The following PIKFYVE variants were observed in gnomAD, a reference collection of about 807,000 sequenced individuals.
The protein encoded by PIKFYVE is 1-phosphatidylinositol 3-phosphate 5-kinase.
In PIKFYVE, 122 loss-of-function variants were observed where a neutral mutation model predicts 257.9. The observed-to-expected ratio is 0.47, with a 90% confidence interval of 0.41 to 0.55. The LOEUF is 0.55. Ranked by LOEUF, PIKFYVE falls within the 20% of genes least tolerant of loss-of-function variation. PIKFYVE has a pLI of 0.00. For synonymous variants in PIKFYVE, 892 were observed against 868.9 expected (o/e 1.03, Z -0.47); for missense variants, 2,160 against 2,536.6 (o/e 0.85, Z 3.19).
chr2:208,333,736 C>G (rs1363234907), intron 24 of PIKFYVE, among the ~76,000 whole-genome samples: 1 of 152,192 alleles, frequency 6.6e-6, no homozygotes, highest in Non-Finnish European at 1.5e-5. Flanking sequence ...ACAGAGCTCT[C>G]AAGTGGTGGA....
chr2:208,315,894 C>T (rs1181421423), intron 15 of PIKFYVE, among the ~76,000 whole-genome samples: 1 of 148,444 alleles, frequency 6.7e-6, no homozygotes, highest in East Asian at 2.0e-4. Flanking sequence ...TATTATTATA[C>T]TTTAAGTTTT....
intron 4 of PIKFYVE, 39 bp from the exon 5 acceptor site, chr2:208,277,498 G>C: frequency 1.2e-6 from 2 of 1,601,514 alleles, no homozygotes; most frequent in Non-Finnish European, 1.7e-6. Context: ...TTAATAATCA[G>C]TATTTTCAAG....
intron 35 of PIKFYVE, among the ~76,000 whole-genome samples, chr2:208,348,839 T>A (rs1425715366): frequency 1.3e-5 from 2 of 152,082 alleles, no homozygotes; most frequent in Non-Finnish European, 2.9e-5. Flanking sequence ...AGAAATAGTT[T>A]GGTGACCTCT....
At chr2:208,340,168 G>C (rs767321447) in intron 31 of PIKFYVE, 37 bp downstream of exon 31, 4 of 1,609,750 alleles carry the variant, frequency 2.5e-6, no homozygotes, top group South Asian at 2.2e-5. Flanking sequence ...TTAGCAGGGG[G>C]GTTATTTTTC....
intron 6 of PIKFYVE, 32 bp from the exon 7 acceptor site, chr2:208,288,697 A>T: frequency 6.2e-7 from 1 of 1,612,876 alleles, no homozygotes. Context: ...ACTGTCCTGA[A>T]TTATTTCAGT....
chr2:208,298,570 A>C, intron 7 of PIKFYVE, 71 bp from the exon 8 acceptor site: 1 of 1,552,106 alleles, frequency 6.4e-7, no homozygotes, highest in Non-Finnish European at 8.9e-7. Flanking sequence ...TTAAAAATGA[A>C]TTTTCTCTGT....
chr2:208,322,694 T>G (rs1036390472), intron 17 of PIKFYVE, among the ~76,000 whole-genome samples: 2 of 151,284 alleles, frequency 1.3e-5, no homozygotes, highest in Non-Finnish European at 2.9e-5. Context: ...TTGATATATA[T>G]ATATATATTT....
At chr2:208,315,427 T>G (rs1215794672) in intron 15 of PIKFYVE, 54 bp downstream of exon 15, 10 of 1,592,982 alleles carry the variant, frequency 6.3e-6, no homozygotes, top group Middle Eastern at 1.7e-4. Flanking sequence ...CAGGACTGAT[T>G]GTAATTTTTG....
chr2:208,314,436 A>C lies in PIKFYVE; in HGVS notation c.1826+13A>C, dbSNP rs758120463. ...TGGAGAGGTTGCTGTAAGGCAATGA[A>C]ATTTTTAATTTTAATTTTTCACTTT... On this transcript the variant is annotated intron_variant, in intron 14 of 41. Coordinates refer to ENST00000264380, the MANE Select transcript of PIKFYVE (RefSeq NM_015040.4). 1.9e-6 allele frequency: 3 copies of C among 1,610,812 alleles called. No homozygotes were observed. Among genetic ancestry groups the C allele is most frequent in the Non-Finnish European group, 2.5e-6 (3 of 1,178,112 alleles).
chr2:208,326,555 C>A, intron 20 of PIKFYVE, 126 bp downstream of exon 20: 1 of 1,082,570 alleles, frequency 9.2e-7, no homozygotes, highest in Non-Finnish European at 1.4e-6. Context: ...TTCTCCTATG[C>A]TATTTTTGTT....
chr2:208,275,426 A>G (rs367924626), intron 3 of PIKFYVE, among the ~76,000 whole-genome samples: 3 of 152,318 alleles, frequency 2.0e-5, no homozygotes, highest in African/African-American at 4.8e-5. Context: ...CACAGCCATT[A>G]TGTTTCCAGT....
chr2:208,296,690 C>T (rs1693031877), intron 7 of PIKFYVE, among the ~76,000 whole-genome samples: 1 of 152,026 alleles, frequency 6.6e-6, no homozygotes, highest in African/African-American at 2.4e-5. Context: ...CAAGAGAAAC[C>T]AGAAAAGGAG....
At position 208,339,530 on chromosome 2, in the gene PIKFYVE, G is replaced by GC; in HGVS notation, c.4786dup (p.Leu1596ProfsTer12). The GC allele has an allele frequency of 6.2e-7, 1 of 1,614,094 alleles. No individual in the cohort carries two copies. The highest frequency in any genetic ancestry group is 8.5e-7 in the Non-Finnish European group (1 of 1,179,998). ...AACAGTCAGTGGGAGGGCCCCCTGA[G>GC]CTAGATACAGCCAGCAGTTCCGAAG... On this transcript the variant is annotated frameshift_variant, in exon 30 of 42. Transcript: ENST00000264380. LOFTEE classifies it high-confidence loss of function.
At chr2:208,331,876 ATTAG>A (rs1697579717) in intron 23 of PIKFYVE, among the ~76,000 whole-genome samples, 2 of 152,216 alleles carry the variant, frequency 1.3e-5, no homozygotes, top group Admixed American at 1.3e-4. Flanking sequence ...TTTAGTTCCT[ATTAG>A]TTAGCTGGTA....
chr2:208,297,940 T>C (rs528338619), intron 7 of PIKFYVE, among the ~76,000 whole-genome samples: 1 of 152,316 alleles, frequency 6.6e-6, no homozygotes, highest in South Asian at 2.1e-4. Context: ...GAAACAAATT[T>C]CTTGTAATTT....
rs1297488106 is a variant in PIKFYVE, at chr2:208,346,433, A to C, written c.5209+286A>C. 2.6e-5 allele frequency among the ~76,000 whole-genome samples: 4 copies of C among 152,228 alleles called. No individual in the cohort carries two copies. In the East Asian group the frequency reaches 7.7e-4, roughly 29 times the overall value. ...GCTTCCTAGAAGAGCTTTCAGTTTA[A>C]AATATACAACCTAAGATGCAAGATA... is the stretch of plus-strand genomic sequence containing the variant. On this transcript the variant is annotated intron_variant, in intron 34 of 41. Transcript: ENST00000264380.
intron 34 of PIKFYVE, 29 bp downstream of exon 34, chr2:208,346,176 A>C (rs746524716): frequency 7.2e-6 from 11 of 1,522,958 alleles, no homozygotes; most frequent in Admixed American, 1.7e-5. Flanking sequence ...GAATATTTAT[A>C]ATTAGATTTA....
intron 23 of PIKFYVE, among the ~76,000 whole-genome samples, chr2:208,330,895 C>T (rs1697467708): frequency 6.6e-6 from 1 of 151,860 alleles, no homozygotes; most frequent in African/African-American, 2.4e-5. Flanking sequence ...AGGAATGTAT[C>T]AGTCATTAAA....
Position 208,326,380 on chromosome 2 carries a change from G to C in PIKFYVE, c.3569G>C (p.Gly1190Ala), listed in dbSNP as rs1696922784. The C allele has an allele frequency of 6.2e-7, 1 of 1,614,066 alleles. No homozygotes were observed. Among genetic ancestry groups the C allele is most frequent in the Non-Finnish European group, 8.5e-7 (1 of 1,179,980 alleles). The change falls in exon 20 of 42, where the codon GGT becomes GCT. Residue 1190 changes from glycine (G) to alanine (A), a missense_variant. This residue lies in a region of PIKFYVE where 522 missense variants were observed against 514.6 expected (regional missense o/e 1.01). Coordinates refer to ENST00000264380, the MANE Select transcript of PIKFYVE (RefSeq NM_015040.4). Reference sequence around the variant, plus strand: ...GGCCAATCAGGAAGCAAAAATGAGGGTGATGAAGAGAGAGGGCTTATTCTG... The same window carrying C: ...GGCCAATCAGGAAGCAAAAATGAGGCTGATGAAGAGAGAGGGCTTATTCTG... ...SSGQSGSKNE[G>A]DEERGLILSD...
Sources: gnomAD v4.1 joint callset for allele counts (sites outside exome capture counted in the v4.1 genomes callset) on GRCh38, gnomAD v4.1.1 for gene constraint, gnomAD v4.1.1 regional missense constraint, MANE v1.5 for transcripts, NCBI Gene and HGNC (gene_info 2026-07-23, HGNC 2026-07-21) for gene names.